The following PFKFB3 variants were observed in gnomAD, a reference collection of about 807,000 sequenced individuals.
PFKFB3 encodes 6-phosphofructo-2-kinase/fructose-2,6-biphosphatase 3.
A neutral mutation model predicts 68.0 loss-of-function variants in PFKFB3; 33 were observed. The observed-to-expected ratio is 0.49, with a 90% confidence interval of 0.37 to 0.65. PFKFB3 has a LOEUF of 0.65. Ranked by LOEUF, PFKFB3 falls within the 30% of genes least tolerant of loss-of-function variation. PFKFB3 has a pLI of 0.00. For missense variants in PFKFB3, 586 were observed against 712.2 expected, an observed-to-expected ratio of 0.82 and a Z score of 2.02; for synonymous variants, 315 against 288.2, an observed-to-expected ratio of 1.09 and a Z score of -0.94.
chr10:6,177,406 TTC>T (rs1422673434), intron 1 of PFKFB3, among the ~76,000 whole-genome samples: 137 of 118,194 alleles, frequency 1.2e-3, no homozygotes, highest in Middle Eastern at 4.1e-3. Flanking sequence ...CTTTCTTTCT[TTC>T]TTCTTTCTCT....
chr10:6,177,405 TTTCTTCTTTC>T (rs1842522160), intron 1 of PFKFB3, among the ~76,000 whole-genome samples: 1 of 146,390 alleles, frequency 6.8e-6, no homozygotes. Context: ...TCTTTCTTTC[TTTCTTCTTTC>T]TCTTTCTTCC....
chr10:6,217,129 C>T lies in PFKFB3; in HGVS notation c.442-6C>T, dbSNP rs2131958278. 1 of 1,613,952 alleles carries T rather than the reference C, an allele frequency of 6.2e-7. No individual in the cohort carries two copies. Among genetic ancestry groups the T allele is most frequent in the Non-Finnish European group, 8.5e-7 (1 of 1,179,812 alleles). On this transcript the variant is annotated splice_region_variant and splice_polypyrimidine_tract_variant and intron_variant, in intron 5 of 14. Coordinates refer to ENST00000379775, the MANE Select transcript of PFKFB3 (RefSeq NM_004566.4). ...TTTTCTAACATCCCCACCTCACTTC[C>T]ACCAGGCGTTTTTCATCGAGTCGGT...
Position 6,220,513 on chromosome 10 carries a change from C to A in PFKFB3, c.624-145C>A. ...AGTTGTCTTACGCATATGCTCTGCC[C>A]CTTAGAAGGATTCAGTCTGTGCCCT... On this transcript the variant is annotated intron_variant, in intron 7 of 14. Transcript: ENST00000379775. The surrounding 1 kb of genome is among the most constrained non-coding windows in gnomAD (Gnocchi z 4.1). 2.9e-6 allele frequency: 2 copies of A among 692,128 alleles called. No individual in the cohort carries two copies. The highest frequency in any genetic ancestry group is 2.7e-5 in the East Asian group (1 of 37,630). 42.9% of individuals were successfully genotyped at this position (692,128 alleles called of 1,614,324 possible). A position where few individuals can be genotyped will look rare whatever the true frequency, so the allele number is the denominator to read the frequency against.
intron 1 of PFKFB3, among the ~76,000 whole-genome samples, chr10:6,162,399 A>G (rs975530593): frequency 5.3e-5 from 8 of 152,220 alleles, no homozygotes; most frequent in African/African-American, 1.9e-4. Context: ...GTGTGTATAT[A>G]CAAGGAATAA....
At chr10:6,307,901 C>T in the PFKFB3 span, among the ~76,000 whole-genome samples, 1 of 152,062 alleles carries the variant, frequency 6.6e-6, no homozygotes, top group African/African-American at 2.4e-5. Flanking sequence ...GCCATTATGC[C>T]AGGAATGGGT....
chr10:6,309,650 A>T, the PFKFB3 span, among the ~76,000 whole-genome samples: 5 of 151,952 alleles, frequency 3.3e-5, no homozygotes, highest in African/African-American at 1.2e-4. Flanking sequence ...GCCACCAGCC[A>T]AAAGAGTATT....
chr10:6,195,163 C>T (rs1459451676), intron 1 of PFKFB3, among the ~76,000 whole-genome samples: 1 of 152,146 alleles, frequency 6.6e-6, no homozygotes, highest in Non-Finnish European at 1.5e-5. Context: ...TGAGCCACTG[C>T]GCTCGCCTCC....
chr10:6,186,555 T>C (rs1244229694), intron 1 of PFKFB3, among the ~76,000 whole-genome samples: 3 of 152,238 alleles, frequency 2.0e-5, no homozygotes, highest in Admixed American at 1.3e-4. Flanking sequence ...ACTGAATTTG[T>C]CACAGATCAT....
At chr10:6,246,503 C>A (rs910178826) in intron 14 of PFKFB3, among the ~76,000 whole-genome samples, 1 of 151,572 alleles carries the variant, frequency 6.6e-6, no homozygotes, top group Non-Finnish European at 1.5e-5. Context: ...CCACGCCTGG[C>A]TAATTTTTAA....
At position 6,233,123 on chromosome 10, in the gene PFKFB3, C is replaced by T. The variant is rs1250601835; in HGVS notation, c.*181C>T. 1.5e-5 allele frequency: 9 copies of T among 583,722 alleles called. No homozygotes were observed. The allele number at this position is 583,722 out of a possible 1,614,324, so 36.2% of individuals were successfully genotyped here. On this transcript the variant is annotated 3_prime_UTR_variant, in exon 15 of 15. Transcript: ENST00000379775. Reference sequence around the variant, plus strand: ...TCTGTGTCCCCTCGGCCGCTGGACACCAGAAAGCCACGTGGGTCCCTGGCG... The same window carrying T: ...TCTGTGTCCCCTCGGCCGCTGGACATCAGAAAGCCACGTGGGTCCCTGGCG...
At chr10:6,183,331 TTATCTC>T (rs879735049) in intron 1 of PFKFB3, among the ~76,000 whole-genome samples, 1 of 152,088 alleles carries the variant, frequency 6.6e-6, no homozygotes, top group Non-Finnish European at 1.5e-5. Flanking sequence ...TGCTCACAAA[TTATCTC>T]TAAAACACCT....
chr10:6,227,585 T>C (rs990176942), intron 14 of PFKFB3, among the ~76,000 whole-genome samples: 1 of 152,178 alleles, frequency 6.6e-6, no homozygotes, highest in African/African-American at 2.4e-5. Context: ...ATGAGGGGAT[T>C]CATGCCCTGC....
chr10:6,224,483 C>T, intron 13 of PFKFB3: 4 of 613,178 alleles, frequency 6.5e-6, no homozygotes, highest in South Asian at 6.3e-5. Flanking sequence ...GATACATTCT[C>T]TCTTTTTTTT....
the PFKFB3 span, among the ~76,000 whole-genome samples, chr10:6,270,645 C>T: frequency 6.6e-6 from 1 of 152,120 alleles, no homozygotes; most frequent in Non-Finnish European, 1.5e-5. Context: ...CCCTCTTTAC[C>T]AGGTGGTTTC....
the PFKFB3 span, among the ~76,000 whole-genome samples, chr10:6,263,168 TA>T: frequency 2.6e-5 from 4 of 152,224 alleles, no homozygotes; most frequent in Non-Finnish European, 5.9e-5. Flanking sequence ...CTATAGATAT[TA>T]AATTAACTAA....
At chr10:6,280,271 A>G in the PFKFB3 span, among the ~76,000 whole-genome samples, 155 of 152,268 alleles carry the variant, frequency 1.0e-3, no homozygotes, top group African/African-American at 3.6e-3. Context: ...TTGCCGCCTT[A>G]TTTTATTTGG....
At chr10:6,279,941 G>C in the PFKFB3 span, among the ~76,000 whole-genome samples, 19 of 88,836 alleles carry the variant, frequency 2.1e-4, no homozygotes, top group African/African-American at 6.6e-4. Flanking sequence ...AGGCCTCTTG[G>C]AAGACTCAGA....
chr10:6,186,985 G>A (rs1415224943), intron 1 of PFKFB3, among the ~76,000 whole-genome samples: 2 of 152,046 alleles, frequency 1.3e-5, no homozygotes, highest in African/African-American at 2.4e-5. Flanking sequence ...CTGCATTTGC[G>A]GGGAGGTGTG....
At chr10:6,310,962 C>T in the PFKFB3 span, among the ~76,000 whole-genome samples, 1 of 152,046 alleles carries the variant, frequency 6.6e-6, no homozygotes, top group African/African-American at 2.4e-5. Context: ...TGTGAGGTAG[C>T]AGGTCAATGT....
Sources: gnomAD v4.1 joint callset for allele counts (sites outside exome capture counted in the v4.1 genomes callset) on GRCh38, gnomAD v4.1.1 for gene constraint, Gnocchi (gnomAD v3.1) non-coding constraint, MANE v1.5 for transcripts, NCBI Gene and HGNC (gene_info 2026-07-23, HGNC 2026-07-21) for gene names.